The following FNDC3B variants were observed in gnomAD, a reference collection of about 807,000 sequenced individuals.
The protein encoded by FNDC3B is fibronectin type III domain containing 3B.
In FNDC3B, 12 loss-of-function variants were observed where a neutral mutation model predicts 151.5. The observed-to-expected ratio is 0.08, with a 90% CI of 0.05 to 0.13. FNDC3B has a LOEUF of 0.13. Among genes scored for constraint, FNDC3B ranks in the 10% least tolerant of loss-of-function variants. The pLI, the probability that FNDC3B is intolerant of heterozygous loss-of-function variation, is 1.00. For synonymous variants in FNDC3B, 528 were observed against 549.0 expected, an observed-to-expected ratio of 0.96 and a Z score of 0.54; for missense variants, 1,214 against 1,505.3, an observed-to-expected ratio of 0.81 and a Z score of 3.20.
chr3:172,152,461 G>T (rs1409728437), intron 3 of FNDC3B, among the ~76,000 whole-genome samples: 1 of 151,838 alleles, frequency 6.6e-6, no homozygotes, highest in African/African-American at 2.4e-5. Flanking sequence ...CTTCCTGTCC[G>T]TTCTCCATCC....
intron 3 of FNDC3B, among the ~76,000 whole-genome samples, chr3:172,141,842 C>T (rs1721644522): frequency 6.6e-6 from 1 of 150,862 alleles, no homozygotes; most frequent in South Asian, 2.1e-4. Context: ...CAGAGTGAGA[C>T]TGCGTCTCAA....
chr3:172,081,791 G>A (rs545987079), intron 1 of FNDC3B, among the ~76,000 whole-genome samples: 166 of 152,296 alleles, frequency 1.1e-3, no homozygotes, highest in Middle Eastern at 6.8e-3. Context: ...ATTCTTCAGA[G>A]CAGTTAGATT....
At chr3:172,154,449 G>A (rs749116871) in intron 3 of FNDC3B, among the ~76,000 whole-genome samples, 14 of 152,058 alleles carry the variant, frequency 9.2e-5, no homozygotes, top group African/African-American at 1.9e-4. Context: ...CTCGTGATCC[G>A]CCGTCCTCCG....
intron 11 of FNDC3B, among the ~76,000 whole-genome samples, chr3:172,328,548 C>T (rs1199383720): frequency 6.6e-6 from 1 of 152,176 alleles, no homozygotes; most frequent in Non-Finnish European, 1.5e-5. Flanking sequence ...GAGCCAGTGA[C>T]CCCTCTGTGG....
chr3:172,388,105 G>A (rs146934744), intron 25 of FNDC3B, among the ~76,000 whole-genome samples: 213 of 152,296 alleles, frequency 1.4e-3, no homozygotes, highest in African/African-American at 4.9e-3. Flanking sequence ...ATCATGAGAA[G>A]GAGGTGTACA....
intron 3 of FNDC3B, among the ~76,000 whole-genome samples, chr3:172,170,696 G>A (rs548683858): frequency 1.3e-5 from 2 of 152,270 alleles, no homozygotes; most frequent in African/African-American, 4.8e-5. Context: ...ATATTGTTTC[G>A]ACTCCTTTTG....
intron 4 of FNDC3B, among the ~76,000 whole-genome samples, chr3:172,245,322 T>C (rs1727720566): frequency 6.6e-6 from 1 of 152,248 alleles, no homozygotes; most frequent in Non-Finnish European, 1.5e-5. Context: ...GTTGTCTATG[T>C]TGCTGGTTGA....
chr3:172,056,878 G>T (rs1318060558), intron 1 of FNDC3B, among the ~76,000 whole-genome samples: 2 of 152,126 alleles, frequency 1.3e-5, no homozygotes, highest in East Asian at 3.9e-4. Flanking sequence ...CAGCTTTCCA[G>T]CTCATCCTTA....
rs146766687 is a variant in FNDC3B, at chr3:172,127,528, A to G, written c.112-5943A>G. Among the ~76,000 whole-genome samples the G allele has an allele frequency of 3.4e-3, 518 of 150,174 alleles. 2 individuals are homozygous for G. The highest frequency in any genetic ancestry group is 0.012 in the African/African-American group (499 of 40,670). ...CTACCTGGCAGATGACAGGGATTCAATAAGTAGTAGCTGTTTCTTAATCAT... is the reference window on the plus strand; with the variant it reads ...CTACCTGGCAGATGACAGGGATTCAGTAAGTAGTAGCTGTTTCTTAATCAT... On this transcript the variant is annotated intron_variant, in intron 2 of 25. Coordinates refer to ENST00000415807, the MANE Select transcript of FNDC3B (RefSeq NM_022763.4).
intron 3 of FNDC3B, among the ~76,000 whole-genome samples, chr3:172,206,515 TG>T (rs1725434044): frequency 6.6e-6 from 1 of 151,250 alleles, no homozygotes; most frequent in Non-Finnish European, 1.5e-5. Context: ...AAAAATTAGC[TG>T]GGGGTGGTGG....
At chr3:172,379,099 T>C (rs1287959988) in intron 24 of FNDC3B, among the ~76,000 whole-genome samples, 3 of 152,186 alleles carry the variant, frequency 2.0e-5, no homozygotes, top group South Asian at 4.1e-4. Flanking sequence ...CAGCCTGTTA[T>C]ATAGCCACAG....
chr3:172,063,198 A>G (rs1347675743), intron 1 of FNDC3B, among the ~76,000 whole-genome samples: 2 of 151,968 alleles, frequency 1.3e-5, no homozygotes, highest in East Asian at 1.9e-4. Context: ...ATAAGATAGC[A>G]TTTTTGTCTT....
chr3:172,165,367 T>C (rs1722957498), intron 3 of FNDC3B, among the ~76,000 whole-genome samples: 1 of 152,210 alleles, frequency 6.6e-6, no homozygotes, highest in African/African-American at 2.4e-5. Flanking sequence ...CAATTCTGTA[T>C]GTCAATTAAT....
At chr3:172,360,208 A>G (rs1037028295) in intron 22 of FNDC3B, among the ~76,000 whole-genome samples, 7 of 152,314 alleles carry the variant, frequency 4.6e-5, no homozygotes, top group Non-Finnish European at 8.8e-5. Context: ...TCTAATGGCT[A>G]ATGATGTCAA....
intron 6 of FNDC3B, among the ~76,000 whole-genome samples, chr3:172,252,377 C>T (rs1728129410): frequency 6.6e-6 from 1 of 151,830 alleles, no homozygotes; most frequent in African/African-American, 2.4e-5. Context: ...AACATAAGAT[C>T]AATTATTTCA....
At chr3:172,347,484 C>T in intron 21 of FNDC3B, 123 bp downstream of exon 21, 1 of 613,942 alleles carries the variant, frequency 1.6e-6, no homozygotes, top group Non-Finnish European at 2.5e-6. Context: ...AAAAAAGAGT[C>T]CATTTAAATA....
chr3:172,082,329 A>C (rs559904786), intron 1 of FNDC3B, among the ~76,000 whole-genome samples: 1 of 152,228 alleles, frequency 6.6e-6, no homozygotes, highest in Non-Finnish European at 1.5e-5. Context: ...ATGGACAAAT[A>C]GTATTCCTTG....
intron 21 of FNDC3B, among the ~76,000 whole-genome samples, chr3:172,350,823 T>A (rs1733817792): frequency 6.6e-6 from 1 of 152,052 alleles, no homozygotes; most frequent in African/African-American, 2.4e-5. Flanking sequence ...GCCACTGCAC[T>A]CCAGACAGAG....
intron 1 of FNDC3B, among the ~76,000 whole-genome samples, chr3:172,050,130 C>T (rs1716569130): frequency 6.6e-6 from 1 of 151,434 alleles, no homozygotes; most frequent in Admixed American, 6.6e-5. Context: ...GGATCATTTA[C>T]CAAAAGATGG....
Sources: allele counts gnomAD v4.1 joint callset (sites outside exome capture counted in the v4.1 genomes callset), GRCh38; gene constraint gnomAD v4.1.1; transcripts MANE v1.5; gene names NCBI Gene and HGNC (gene_info 2026-07-23, HGNC 2026-07-21).